The following GALNT12 variants were observed in gnomAD, a reference collection of about 807,000 sequenced individuals.
The protein encoded by GALNT12 is UDP-GalNAc:polypeptide N-acetylgalactosaminyltransferase 12.
GALNT12 carries 45 observed loss-of-function variants against 55.5 expected under a neutral mutation model. That is an observed-to-expected ratio of 0.81 (90% confidence interval 0.64 to 1.04). The LOEUF (loss-of-function observed/expected upper bound fraction) is 1.04. Among genes scored for constraint, GALNT12 ranks in the 50% least tolerant of loss-of-function variants. The probability of loss-of-function intolerance (pLI) is 0.00; values close to 1 mark genes in which losing one functional copy is unlikely to be tolerated. For missense variants in GALNT12, 709 were observed against 754.8 expected (o/e 0.94, Z 0.71); for synonymous variants, 304 against 312.2 (o/e 0.97, Z 0.28).
intron 6 of GALNT12, among the ~76,000 whole-genome samples, chr9:98,838,078 A>C (rs1401249127): frequency 2.0e-5 from 3 of 152,206 alleles, no homozygotes; most frequent in African/African-American, 4.8e-5. Context: ...GTTAAGGCAC[A>C]GTTCTTTACC....
chr9:98,813,501 ATT>A (rs71369577), intron 1 of GALNT12, among the ~76,000 whole-genome samples: 1 of 148,466 alleles, frequency 6.7e-6, no homozygotes, highest in Admixed American at 6.7e-5. Context: ...CATTTAAAAA[ATT>A]TTTTTTTTTT....
chr9:98,816,178 A>G (rs925389579), intron 1 of GALNT12, among the ~76,000 whole-genome samples: 2 of 152,210 alleles, frequency 1.3e-5, no homozygotes, highest in Non-Finnish European at 2.9e-5. Flanking sequence ...AGCCTCCTTC[A>G]GGGTATTCTG....
chr9:98,813,450 A>G (rs78766918), intron 1 of GALNT12, among the ~76,000 whole-genome samples: 1,830 of 152,216 alleles, frequency 0.012, 39 homozygotes, highest in African/African-American at 0.042. Context: ...TTGTTCCTTC[A>G]TGAAGAAGAC....
At position 98,835,366 on chromosome 9, in the gene GALNT12, G is replaced by T. The variant is rs778289504; in HGVS notation, c.1035G>T (p.Arg345Ser). 12 of 1,549,320 alleles carry T rather than the reference G, an allele frequency of 7.7e-6. No homozygotes were observed. The South Asian group carries it at 1.2e-4, about 16-fold the overall frequency. ...WGGENLEFSF[R>S]IWQCGGVLET... Reference sequence around the variant, plus strand: ...GAGAAAACCTCGAATTTTCCTTTAGGGTAAGTATTTCAGTCTTCTCTTTGG... The same window carrying T: ...GAGAAAACCTCGAATTTTCCTTTAGTGTAAGTATTTCAGTCTTCTCTTTGG... Residue 345 changes from arginine to serine, a missense_variant and splice_region_variant, in exon 5 of 10, where the codon AGG becomes AGT. Arg to Ser is a moderately radical substitution (Grantham distance 110). Transcript: ENST00000375011.
Position 98,835,430 on chromosome 9 carries a change from A to G in GALNT12, c.1035+64A>G, listed in dbSNP as rs1836118236. On this transcript the variant is annotated intron_variant, in intron 5 of 9. Transcript: ENST00000375011. ...TGATTCTCTCTTTGGGAACGATGGG[A>G]TTTGCTGTAAGAGCCTGGTGGACCC... is the stretch of plus-strand genomic sequence containing the variant. 3 of 1,040,838 alleles carry G rather than the reference A, an allele frequency of 2.9e-6. No individual in the cohort carries two copies. The Admixed American group carries it at 5.1e-5, about 18-fold the overall frequency. 64.5% of individuals were successfully genotyped at this position (1,040,838 alleles called of 1,614,324 possible). A position where few individuals can be genotyped will look rare whatever the true frequency, so the allele number is the denominator to read the frequency against.
chr9:98,846,072 G>A lies in GALNT12; in HGVS notation c.1554G>A (p.Met518Ile), dbSNP rs774123474. ...AVEAGMDTLI[M>I]HLCEETAPEN... Reference sequence around the variant, plus strand: ...AAGCAGGAATGGATACCCTTATCATGCATCTCTGCGAAGAAACTGCCCCAG... The same window carrying A: ...AAGCAGGAATGGATACCCTTATCATACATCTCTGCGAAGAAACTGCCCCAG... The change falls in exon 9 of 10, where the codon ATG (methionine) becomes ATA (isoleucine). Residue 518 changes from methionine (M) to isoleucine (I), a missense_variant. Met to Ile is a conservative substitution (Grantham distance 10). Transcript: ENST00000375011. 3.1e-6 allele frequency: 5 copies of A among 1,614,200 alleles called. No individual in the cohort carries two copies. The South Asian group carries it at 5.5e-5, about 18-fold the overall frequency.
At chr9:98,837,688 A>G (rs945322635) in intron 6 of GALNT12, among the ~76,000 whole-genome samples, 4 of 152,194 alleles carry the variant, frequency 2.6e-5, no homozygotes, top group Non-Finnish European at 5.9e-5. Context: ...GCAGTCACCA[A>G]TACAAAGCAG....
intron 7 of GALNT12, among the ~76,000 whole-genome samples, chr9:98,843,734 G>A (rs1400256304): frequency 1.3e-5 from 2 of 152,104 alleles, no homozygotes; most frequent in African/African-American, 4.8e-5. Context: ...TGTGTCTATC[G>A]CCTGCTTGAT....
In GALNT12 at chr9:98,844,376, A is replaced by G. The variant is rs537664290; in HGVS notation, c.1458+167A>G. 54 of 629,096 alleles carry G rather than the reference A, an allele frequency of 8.6e-5. No individual in the cohort carries two copies. The East Asian group carries it at 1.4e-3, about 16-fold the overall frequency. 39.0% of individuals were successfully genotyped at this position (629,096 alleles called of 1,614,324 possible). On this transcript the variant is annotated intron_variant, in intron 8 of 9. Transcript: ENST00000375011. Reference sequence around the variant, plus strand: ...TAAAATTAAAATGTGTTTTCTTCCCATCATTTTTTACACATAACACACAGA... The same window carrying G: ...TAAAATTAAAATGTGTTTTCTTCCCGTCATTTTTTACACATAACACACAGA...
intron 1 of GALNT12, among the ~76,000 whole-genome samples, chr9:98,817,288 C>T (rs1835634780): frequency 6.6e-6 from 1 of 152,190 alleles, no homozygotes; most frequent in Non-Finnish European, 1.5e-5. Flanking sequence ...CTTTCTGAGG[C>T]TCCTGGTGAG....
At chr9:98,812,643 C>T (rs1835519976) in intron 1 of GALNT12, among the ~76,000 whole-genome samples, 2 of 152,130 alleles carry the variant, frequency 1.3e-5, no homozygotes, top group African/African-American at 2.4e-5. Context: ...ATAGTTATAT[C>T]CACTTACATT....
intron 6 of GALNT12, among the ~76,000 whole-genome samples, chr9:98,839,173 T>A (rs941340321): frequency 3.3e-5 from 5 of 152,224 alleles, no homozygotes; most frequent in African/African-American, 1.2e-4. Context: ...ACCCTTAGGC[T>A]TCATGTCCAA....
chr9:98,813,018 T>C (rs551230010), intron 1 of GALNT12, among the ~76,000 whole-genome samples: 1 of 152,366 alleles, frequency 6.6e-6, no homozygotes, highest in South Asian at 2.1e-4. Context: ...AAAAATGCAG[T>C]ATTTATTTGT....
intron 3 of GALNT12, among the ~76,000 whole-genome samples, chr9:98,828,631 T>C (rs1475792161): frequency 1.3e-5 from 2 of 152,354 alleles, no homozygotes; most frequent in East Asian, 3.9e-4. Context: ...CTCGGTTGTC[T>C]GTTAGAAATA....
rs781391307 is a variant in GALNT12, at chr9:98,826,836, TGCGAGCCCGGC to T, written c.627_637del (p.Arg210AlafsTer19). 3.7e-6 allele frequency: 6 copies of T among 1,611,014 alleles called. No homozygotes were observed. In the South Asian group the frequency reaches 5.5e-5, roughly 15 times the overall value. ...CGCGCCAACAAGAGAGAGGGCCTGGTGCGAGCCCGGCTGCTGGGGGCGTCTGCGGCGAGGGG... is the reference window on the plus strand; with the variant it reads ...CGCGCCAACAAGAGAGAGGGCCTGGTTGCTGGGGGCGTCTGCGGCGAGGGG... On this transcript the variant is annotated frameshift_variant, in exon 3 of 10. Transcript: ENST00000375011. LOFTEE classifies it high-confidence loss of function.
chr9:98,824,152 T>C (rs888431977), intron 2 of GALNT12, among the ~76,000 whole-genome samples: 25 of 152,318 alleles, frequency 1.6e-4, no homozygotes, highest in African/African-American at 5.5e-4. Flanking sequence ...TGTGTTCTAA[T>C]AGGTGTGTGC....
In GALNT12 at chr9:98,845,806, C is replaced by T. The variant is rs562125234; in HGVS notation, c.1459-171C>T. Reference sequence around the variant, plus strand: ...CTCATGAAGCACTGCAGTAGCGGTTCACTGAGGGCTGTGGGATGCGGAGGA... The same window carrying T: ...CTCATGAAGCACTGCAGTAGCGGTTTACTGAGGGCTGTGGGATGCGGAGGA... On this transcript the variant is annotated intron_variant, in intron 8 of 9. Transcript: ENST00000375011. Among the ~76,000 whole-genome samples, 23 of 152,252 alleles carry T rather than the reference C, an allele frequency of 1.5e-4. No individual in the cohort carries two copies. The Middle Eastern group carries it at 0.01, about 68-fold the overall frequency.
chr9:98,826,952 C>T lies in GALNT12; in HGVS notation c.731+11C>T, dbSNP rs368249086. On this transcript the variant is annotated intron_variant, in intron 3 of 9. Coordinates refer to ENST00000375011, the MANE Select transcript of GALNT12 (RefSeq NM_024642.5). Reference sequence around the variant, plus strand: ...GCCGCTGCTGCAGAGGTACGTGAGCCGCCCACCATGGGAGAGACAGCATGT... The same window carrying T: ...GCCGCTGCTGCAGAGGTACGTGAGCTGCCCACCATGGGAGAGACAGCATGT... 21 of 1,553,806 alleles carry T rather than the reference C, an allele frequency of 1.4e-5. No individual in the cohort carries two copies. The highest frequency in any genetic ancestry group is 4.9e-5 in the East Asian group (2 of 41,204).
chr9:98,814,887 T>C (rs758499823), intron 1 of GALNT12, among the ~76,000 whole-genome samples: 1 of 152,214 alleles, frequency 6.6e-6, no homozygotes, highest in Non-Finnish European at 1.5e-5. Flanking sequence ...CAAATGGTAC[T>C]GTTACTACCA....
Sources: allele counts gnomAD v4.1 joint callset (sites outside exome capture counted in the v4.1 genomes callset), GRCh38; gene constraint gnomAD v4.1.1; transcripts MANE v1.5; gene names NCBI Gene and HGNC (gene_info 2026-07-23, HGNC 2026-07-21).